The following CCDC68 variants were observed in gnomAD, a reference collection of about 807,000 sequenced individuals.
CCDC68 encodes the protein coiled-coil domain containing 68, also known as coiled-coil domain-containing protein 68.
In CCDC68, 45 loss-of-function variants were observed where a neutral mutation model predicts 47.1. The observed-to-expected ratio is 0.96, with a 90% CI of 0.75 to 1.23. The LOEUF (loss-of-function observed/expected upper bound fraction) is 1.23. Among genes scored for constraint, CCDC68 ranks in the 50% most tolerant of loss-of-function variants. The pLI is 0.00. For synonymous variants in CCDC68, 131 were observed against 129.5 expected (o/e 1.01, Z -0.08); for missense variants, 353 against 373.6 (o/e 0.94, Z 0.45).
rs970972605 is a variant in CCDC68 at position 54,901,950 on chromosome 18, A to G, written c.*2408T>C. The G allele has an allele frequency of 3.9e-5, 6 of 152,254 alleles. No homozygotes were observed. Among genetic ancestry groups the G allele is most frequent in the Admixed American group, 2.6e-4 (4 of 15,304 alleles). The allele number at this position is 152,254 out of a possible 1,614,324, so 9.4% of individuals were successfully genotyped here. A position where few individuals can be genotyped will look rare whatever the true frequency, so the allele number is the denominator to read the frequency against. ...TTTTATGATAGTGGATATAGGAAAC[A>G]ATCCATACATGACGAATAAATGATA... On this transcript the variant is annotated 3_prime_UTR_variant, in exon 12 of 12. Coordinates refer to ENST00000591504, the MANE Select transcript of CCDC68 (RefSeq NM_025214.3).
At chr18:54,910,673 G>C (rs1245754770) in intron 10 of CCDC68, among the ~76,000 whole-genome samples, 1 of 152,226 alleles carries the variant, frequency 6.6e-6, no homozygotes, top group Non-Finnish European at 1.5e-5. Flanking sequence ...GGCACCTTCA[G>C]GCCAGCACCA....
At chr18:54,931,334 G>A (rs2044257319) in intron 7 of CCDC68, among the ~76,000 whole-genome samples, 1 of 152,152 alleles carries the variant, frequency 6.6e-6, no homozygotes, top group South Asian at 2.1e-4. Context: ...GGAGTTCACA[G>A]CACCACACAG....
chr18:54,944,700 GAA>G (rs1399047421), intron 2 of CCDC68, among the ~76,000 whole-genome samples: 1 of 152,148 alleles, frequency 6.6e-6, no homozygotes, highest in Non-Finnish European at 1.5e-5. Context: ...GTTGATGAGG[GAA>G]AGTTTATTTA....
chr18:54,930,943 C>T (rs943180295), intron 7 of CCDC68, among the ~76,000 whole-genome samples: 2 of 151,572 alleles, frequency 1.3e-5, no homozygotes, highest in Non-Finnish European at 2.9e-5. Context: ...GTCTCGAACT[C>T]CTGACCTCAG....
At chr18:54,913,484 T>C (rs537675697) in intron 10 of CCDC68, among the ~76,000 whole-genome samples, 2 of 152,196 alleles carry the variant, frequency 1.3e-5, no homozygotes, top group Admixed American at 6.5e-5. Context: ...TAATAAGCTA[T>C]TCACTAGGAA....
chr18:54,918,494 A>G lies in CCDC68; in HGVS notation c.790-498T>C, dbSNP rs368398584. ...AGCAGTGTAAGAAGAGAGGGGACAC[A>G]AGGATTCTAAGACCAACTTTGGCAC... is the stretch of plus-strand genomic sequence containing the variant. On this transcript the variant is annotated intron_variant, in intron 9 of 11. Transcript: ENST00000591504. 1.4e-3 allele frequency among the ~76,000 whole-genome samples: 207 copies of G among 152,336 alleles called. No individual in the cohort carries two copies. The South Asian group carries it at 0.014, about 10-fold the overall frequency.
At chr18:54,952,685 A>G (rs1194997153) in intron 1 of CCDC68, among the ~76,000 whole-genome samples, 1 of 152,230 alleles carries the variant, frequency 6.6e-6, no homozygotes, top group Non-Finnish European at 1.5e-5. Flanking sequence ...CAAACAAGTC[A>G]AATGTTCACC....
chr18:54,943,732 T>C (rs1215959022), intron 2 of CCDC68, among the ~76,000 whole-genome samples: 1 of 152,238 alleles, frequency 6.6e-6, no homozygotes. Flanking sequence ...AACTGTGAAC[T>C]GTGTTTGGTG....
At chr18:54,934,531 A>G (rs1181675339) in intron 7 of CCDC68, among the ~76,000 whole-genome samples, 1 of 152,192 alleles carries the variant, frequency 6.6e-6, no homozygotes, top group Non-Finnish European at 1.5e-5. Flanking sequence ...TCACAGCCTC[A>G]CCTGGTTCCC....
intron 3 of CCDC68, 78 bp downstream of exon 3, chr18:54,942,597 A>C (rs1361518641): frequency 2.3e-6 from 2 of 877,644 alleles, no homozygotes; most frequent in African/African-American, 3.4e-5. Flanking sequence ...ATGGAGAGGG[A>C]AACAAAATCC....
chr18:54,920,332 C>T (rs1332151825), intron 8 of CCDC68, among the ~76,000 whole-genome samples: 2 of 149,848 alleles, frequency 1.3e-5, no homozygotes, highest in Non-Finnish European at 3.0e-5. Flanking sequence ...GATCTTGGCT[C>T]ACCGCAACCA....
At chr18:54,947,105 G>T (rs918444599) in intron 1 of CCDC68, among the ~76,000 whole-genome samples, 1 of 152,180 alleles carries the variant, frequency 6.6e-6, no homozygotes, top group African/African-American at 2.4e-5. Context: ...TTGCCATATG[G>T]CATTACTATC....
intron 3 of CCDC68, among the ~76,000 whole-genome samples, chr18:54,941,297 C>A (rs79966837): frequency 0.02 from 3,078 of 152,188 alleles, 112 homozygotes; most frequent in African/African-American, 0.069. Context: ...CTTTATAACT[C>A]TTTCTCAGAC....
chr18:54,919,428 C>T (rs561019961), intron 8 of CCDC68, 52 bp from the exon 9 acceptor site: 26 of 1,384,934 alleles, frequency 1.9e-5, no homozygotes, highest in Non-Finnish European at 2.4e-5. Context: ...CTCACACGTT[C>T]CATAGCTCGT....
chr18:54,916,755 T>C (rs1041490559), intron 10 of CCDC68, among the ~76,000 whole-genome samples: 4 of 152,168 alleles, frequency 2.6e-5, no homozygotes, highest in Non-Finnish European at 5.9e-5. Context: ...AGGGGGTTGA[T>C]ATGGTTTGGC....
intron 1 of CCDC68, among the ~76,000 whole-genome samples, chr18:54,952,698 C>T (rs1264922145): frequency 6.6e-6 from 1 of 152,182 alleles, no homozygotes; most frequent in Non-Finnish European, 1.5e-5. Context: ...TGTTCACCAA[C>T]AGGTGAATAC....
chr18:54,920,101 T>C (rs2044030086), intron 8 of CCDC68, among the ~76,000 whole-genome samples: 1 of 152,254 alleles, frequency 6.6e-6, no homozygotes, highest in South Asian at 2.1e-4. Context: ...TTTCTCTTCT[T>C]GCTACTGTTA....
At chr18:54,941,169 T>C in intron 3 of CCDC68, 86 bp from the exon 4 acceptor site, 1 of 828,196 alleles carries the variant, frequency 1.2e-6, no homozygotes. Flanking sequence ...GGGTACCTGA[T>C]TATCTAGAAA....
intron 8 of CCDC68, among the ~76,000 whole-genome samples, chr18:54,925,038 T>C (rs975509439): frequency 6.6e-6 from 1 of 152,222 alleles, no homozygotes; most frequent in Non-Finnish European, 1.5e-5. Flanking sequence ...TGGGCAATTT[T>C]CTTTCTGGCT....
Sources: gnomAD v4.1 joint callset for allele counts (sites outside exome capture counted in the v4.1 genomes callset) on GRCh38, gnomAD v4.1.1 for gene constraint, MANE v1.5 for transcripts, NCBI Gene and HGNC (gene_info 2026-07-23, HGNC 2026-07-21) for gene names.